The following CPA6 variants were observed in gnomAD, a reference collection of about 807,000 sequenced individuals.
CPA6 encodes the protein carboxypeptidase A6.
Under a neutral mutation model 63.3 loss-of-function variants are expected in CPA6, and 58 were observed. That is an observed-to-expected ratio of 0.92 (90% confidence interval 0.74 to 1.14). CPA6 has a LOEUF of 1.14. CPA6 is among the 50% of genes most tolerant of loss of function. CPA6 has a pLI of 0.00. For missense variants in CPA6, 565 were observed against 526.6 expected (o/e 1.07, Z -0.71); for synonymous variants, 185 against 179.0 (o/e 1.03, Z -0.27).
intron 1 of CPA6, among the ~76,000 whole-genome samples, chr8:67,697,664 T>C (rs952795346): frequency 1.3e-5 from 2 of 152,188 alleles, no homozygotes; most frequent in African/African-American, 4.8e-5. Flanking sequence ...GTAAAAAATG[T>C]TTTTTACTGA....
chr8:67,599,897 C>T (rs893762295), intron 2 of CPA6, among the ~76,000 whole-genome samples: 6 of 151,888 alleles, frequency 4.0e-5, no homozygotes, highest in African/African-American at 9.7e-5. Flanking sequence ...AGTAGTATGT[C>T]GAGTATAAAA....
chr8:67,496,333 T>A (rs193234410), intron 6 of CPA6, among the ~76,000 whole-genome samples: 6 of 152,066 alleles, frequency 3.9e-5, no homozygotes, highest in Non-Finnish European at 5.9e-5. Context: ...AATGTGGTGA[T>A]CAACATAATT....
chr8:67,576,674 GA>G, intron 2 of CPA6, among the ~76,000 whole-genome samples: 1 of 152,156 alleles, frequency 6.6e-6, no homozygotes, highest in Non-Finnish European at 1.5e-5. Flanking sequence ...ACATTCTACA[GA>G]GTGGCTTCTG....
chr8:67,739,752 G>A (rs1817878367), intron 1 of CPA6, among the ~76,000 whole-genome samples: 1 of 152,192 alleles, frequency 6.6e-6, no homozygotes, highest in Admixed American at 6.5e-5. Context: ...GCCATGCAGA[G>A]GATTCTGCCT....
At chr8:67,655,957 T>C (rs1406147048) in intron 1 of CPA6, among the ~76,000 whole-genome samples, 1 of 152,178 alleles carries the variant, frequency 6.6e-6, no homozygotes, top group African/African-American at 2.4e-5. Context: ...ACCTATCTCC[T>C]TACCTGGACG....
intron 1 of CPA6, among the ~76,000 whole-genome samples, chr8:67,666,867 A>G (rs1400072500): frequency 1.3e-5 from 2 of 152,096 alleles, no homozygotes; most frequent in Non-Finnish European, 2.9e-5. Context: ...CCCCCTAAGC[A>G]TTTCACCGGG....
intron 2 of CPA6, among the ~76,000 whole-genome samples, chr8:67,542,520 CTG>C (rs1563992820): frequency 6.6e-6 from 1 of 152,132 alleles, no homozygotes; most frequent in Non-Finnish European, 1.5e-5. Flanking sequence ...TGAGTCAAAT[CTG>C]TACACATGCT....
At chr8:67,669,624 C>T (rs1816301073) in intron 1 of CPA6, among the ~76,000 whole-genome samples, 1 of 152,216 alleles carries the variant, frequency 6.6e-6, no homozygotes, top group Non-Finnish European at 1.5e-5. Flanking sequence ...ACAACTTCCT[C>T]ACCTTTCCCC....
chr8:67,484,004 A>G (rs1355830806), intron 7 of CPA6, 146 bp from the exon 8 acceptor site: 2 of 679,938 alleles, frequency 2.9e-6, no homozygotes, highest in Non-Finnish European at 5.1e-6. Context: ...GAAAAAGAGC[A>G]CTGGATTAGT....
rs1035037197 is a variant in CPA6 at position 67,586,290 on chromosome 8, C to T, written c.192+37886G>A. Among the ~76,000 whole-genome samples, 8 of 152,006 alleles carry T rather than the reference C, an allele frequency of 5.3e-5. No individual in the cohort carries two copies. The East Asian group carries it at 7.7e-4, about 15-fold the overall frequency. ...AGTTCTGCTGCAAGTACTACTGAGC[C>T]GCCAATAGGGGCTTCTACGTGGGCT... On this transcript the variant is annotated intron_variant, in intron 2 of 10. Coordinates refer to ENST00000297770, the MANE Select transcript of CPA6 (RefSeq NM_020361.5).
intron 2 of CPA6, among the ~76,000 whole-genome samples, chr8:67,573,879 A>ATGG (rs1813552165): frequency 8.0e-6 from 1 of 124,914 alleles, no homozygotes; most frequent in African/African-American, 3.3e-5. Flanking sequence ...GCGACAGAGC[A>ATGG]AGACTCCGTC....
At chr8:67,462,857 TCAAG>T (rs768960575) in intron 8 of CPA6, among the ~76,000 whole-genome samples, 10 of 152,154 alleles carry the variant, frequency 6.6e-5, no homozygotes, top group Non-Finnish European at 1.5e-4. Flanking sequence ...AAAGTAGCAT[TCAAG>T]CAGAGTGCCT....
intron 8 of CPA6, among the ~76,000 whole-genome samples, chr8:67,468,015 G>GCA (rs1810968566): frequency 6.6e-6 from 1 of 151,354 alleles, no homozygotes; most frequent in Non-Finnish European, 1.5e-5. Context: ...CCAAGATCAT[G>GCA]CCACTGCACT....
intron 7 of CPA6, 99 bp from the exon 8 acceptor site, chr8:67,483,957 G>A: frequency 1.0e-6 from 1 of 977,386 alleles, no homozygotes; most frequent in Middle Eastern, 2.1e-4. Context: ...TACCACTGAG[G>A]GGAGAGTTCT....
At chr8:67,722,854 A>G (rs1053999694) in intron 1 of CPA6, among the ~76,000 whole-genome samples, 5 of 151,982 alleles carry the variant, frequency 3.3e-5, no homozygotes, top group Non-Finnish European at 7.4e-5. Flanking sequence ...TCACTATGTA[A>G]TAAAATTAAA....
chr8:67,540,739 C>T (rs918937436), intron 2 of CPA6, among the ~76,000 whole-genome samples: 3 of 152,254 alleles, frequency 2.0e-5, no homozygotes, highest in African/African-American at 4.8e-5. Flanking sequence ...CTGGCTACAG[C>T]AGCTTTGCAG....
At chr8:67,437,946 TGCTCAGTC>T (rs1810199615) in intron 8 of CPA6, among the ~76,000 whole-genome samples, 1 of 152,040 alleles carries the variant, frequency 6.6e-6, no homozygotes. Context: ...GATGGAGTCT[TGCTCAGTC>T]GCTCAGGCTG....
At chr8:67,549,257 AAGG>A (rs774975635) in intron 2 of CPA6, among the ~76,000 whole-genome samples, 3 of 152,204 alleles carry the variant, frequency 2.0e-5, no homozygotes, top group South Asian at 2.1e-4. Context: ...GGAAGAAAAT[AAGG>A]AGAAGAGGAG....
chr8:67,532,334 C>T (rs1344212706), intron 2 of CPA6, among the ~76,000 whole-genome samples: 2 of 151,582 alleles, frequency 1.3e-5, no homozygotes, highest in Non-Finnish European at 2.9e-5. Flanking sequence ...GTAGATTCAT[C>T]AAATAAAAAA....
Sources: allele counts gnomAD v4.1 joint callset (sites outside exome capture counted in the v4.1 genomes callset), GRCh38; gene constraint gnomAD v4.1.1; transcripts MANE v1.5; gene names NCBI Gene and HGNC (gene_info 2026-07-23, HGNC 2026-07-21).